The following FAAH2 variants were observed in gnomAD, a reference collection of about 807,000 sequenced individuals.
FAAH2 encodes the protein fatty acid amide hydrolase 2.
In FAAH2, 60 loss-of-function variants were observed where a neutral mutation model predicts 36.9. That is an observed-to-expected ratio of 1.63 (90% confidence interval 1.32 to 2.02). FAAH2 has a LOEUF of 2.02. Among genes scored for constraint, FAAH2 ranks in the 30% most tolerant of loss-of-function variants. FAAH2 has a pLI of 0.00. For missense variants in FAAH2, 689 were observed against 397.5 expected, an observed-to-expected ratio of 1.73 and a Z score of -6.23; for synonymous variants, 214 against 143.8, an observed-to-expected ratio of 1.49 and a Z score of -3.49.
intron 2 of FAAH2, among the ~76,000 whole-genome samples, chrX:57,308,286 C>A (rs1054377910): frequency 9.0e-6 from 1 of 111,483 alleles, no homozygotes; most frequent in Admixed American, 9.6e-5. Flanking sequence ...GCAGCTTCAC[C>A]GGTATCTGTT....
At chrX:57,171,424 G>GT in the FAAH2 span, among the ~76,000 whole-genome samples, 4 of 111,644 alleles carry the variant, frequency 3.6e-5, no homozygotes, top group Admixed American at 2.9e-4. Context: ...AACATCTATT[G>GT]TTTTTTGACT....
chrX:57,334,401 A>T (rs1282308689), intron 4 of FAAH2, among the ~76,000 whole-genome samples: 2 of 111,004 alleles, frequency 1.8e-5, no homozygotes, highest in African/African-American at 3.3e-5. Flanking sequence ...AGATGCTCTG[A>T]GACAAAGACA....
At chrX:57,330,814 G>A (rs756718291) in intron 3 of FAAH2, among the ~76,000 whole-genome samples, 2 of 111,265 alleles carry the variant, frequency 1.8e-5, no homozygotes, top group Admixed American at 1.9e-4. Context: ...TCCCCAATAG[G>A]AGGGTATGGG....
the FAAH2 span, among the ~76,000 whole-genome samples, chrX:57,214,430 AT>A: frequency 1.8e-5 from 2 of 110,043 alleles, no homozygotes; most frequent in East Asian, 5.7e-4. Flanking sequence ...TGTTTTATTT[AT>A]TTTTTTTCTT....
At chrX:57,337,074 C>A (rs2053570231) in intron 4 of FAAH2, among the ~76,000 whole-genome samples, 1 of 110,513 alleles carries the variant, frequency 9.0e-6, no homozygotes, top group Admixed American at 9.7e-5. Context: ...TTACCACTGA[C>A]CCCACAGAAA....
At position 57,480,451 on chromosome X, in the gene FAAH2, G is replaced by A. The variant is rs966636167; in HGVS notation, c.1424-8306G>A. Among the ~76,000 whole-genome samples the A allele has an allele frequency of 3.6e-5, 4 of 111,959 alleles. No individual in the cohort carries two copies. In the East Asian group the frequency reaches 1.1e-3, roughly 32 times the overall value. ...GGTTTGGTGGTGACAAAGTTTCTCA[G>A]TATTTGTTTGTCTTTGAAAGATTTT... is the stretch of plus-strand genomic sequence containing the variant. On this transcript the variant is annotated intron_variant, in intron 10 of 10. Transcript: ENST00000374900.
chrX:57,135,302 T>C, the FAAH2 span: 459 of 135,424 alleles, frequency 3.4e-3, 2 homozygotes, highest in African/African-American at 0.014. Context: ...TCTATTTTCC[T>C]CTAAGCCCCA....
At chrX:57,457,260 C>A (rs2056878306) in intron 10 of FAAH2, among the ~76,000 whole-genome samples, 1 of 111,268 alleles carries the variant, frequency 9.0e-6, no homozygotes, top group Non-Finnish European at 1.9e-5. Context: ...CCCTTAATGA[C>A]AAAAGCCCTC....
intron 5 of FAAH2, among the ~76,000 whole-genome samples, chrX:57,364,617 C>T (rs190320753): frequency 2.4e-3 from 267 of 109,309 alleles, no homozygotes; most frequent in African/African-American, 8.5e-3. Flanking sequence ...GTCTCTCTTG[C>T]TTGTCTAGTT....
chrX:57,415,792 G>C (rs1406934622), intron 7 of FAAH2, among the ~76,000 whole-genome samples: 1 of 110,819 alleles, frequency 9.0e-6, no homozygotes, highest in Non-Finnish European at 1.9e-5. Context: ...TTAATTTTCT[G>C]TGTTTTTGAT....
chrX:57,299,310 C>G (rs149824466), intron 2 of FAAH2, among the ~76,000 whole-genome samples: 1 of 111,558 alleles, frequency 9.0e-6, no homozygotes, highest in African/African-American at 3.3e-5. Flanking sequence ...CATCGGAAAA[C>G]GAATAAAGTT....
the FAAH2 span, among the ~76,000 whole-genome samples, chrX:57,201,153 T>C: frequency 9.1e-6 from 1 of 109,504 alleles, no homozygotes; most frequent in African/African-American, 3.3e-5. Context: ...CTGGGCACGG[T>C]GGCTCATGCC....
intron 3 of FAAH2, among the ~76,000 whole-genome samples, chrX:57,325,389 G>C (rs1465289456): frequency 9.0e-6 from 1 of 111,602 alleles, no homozygotes; most frequent in East Asian, 2.8e-4. Flanking sequence ...TTTTTCTATT[G>C]ATTGGAATAG....
chrX:57,455,357 C>T (rs1569357363), intron 10 of FAAH2, among the ~76,000 whole-genome samples: 1 of 111,122 alleles, frequency 9.0e-6, no homozygotes, highest in Non-Finnish European at 1.9e-5. Context: ...TCCACTCAAG[C>T]ACATGGCCCA....
chrX:57,357,516 G>T (rs1421820730), intron 5 of FAAH2, among the ~76,000 whole-genome samples: 2 of 111,720 alleles, frequency 1.8e-5, no homozygotes, highest in Non-Finnish European at 3.8e-5. Context: ...TCATCAAAAA[G>T]TGGGCAAAGG....
chrX:57,359,841 T>C (rs1242598415), intron 5 of FAAH2, among the ~76,000 whole-genome samples: 2 of 111,832 alleles, frequency 1.8e-5, no homozygotes, highest in African/African-American at 6.5e-5. Flanking sequence ...GGACTCCTTT[T>C]GGCAATTCTT....
At chrX:57,378,595 A>G (rs2054748690) in intron 5 of FAAH2, 56 bp from the exon 6 acceptor site, 1 of 1,193,678 alleles carries the variant, frequency 8.4e-7, no homozygotes, top group Non-Finnish European at 1.1e-6. Flanking sequence ...ATGAAATACA[A>G]CATGCAGGGA....
intron 5 of FAAH2, among the ~76,000 whole-genome samples, chrX:57,360,835 C>T (rs1274717048): frequency 3.6e-5 from 4 of 110,303 alleles, no homozygotes; most frequent in Admixed American, 9.7e-5. Context: ...CTCACCCCCA[C>T]CCACCGACAG....
chrX:57,158,671 C>A, the FAAH2 span, among the ~76,000 whole-genome samples: 4 of 111,955 alleles, frequency 3.6e-5, no homozygotes, highest in African/African-American at 1.3e-4. Context: ...TGTTCATATC[C>A]TTTGCCCACT....
Sources: allele counts gnomAD v4.1 joint callset (sites outside exome capture counted in the v4.1 genomes callset), GRCh38; gene constraint gnomAD v4.1.1; transcripts MANE v1.5; gene names NCBI Gene and HGNC (gene_info 2026-07-23, HGNC 2026-07-21).